Variants in OPA3 observed in about 807,000 individuals in gnomAD.
The protein encoded by OPA3 is optic atrophy 3 protein.
OPA3 carries 6 observed loss-of-function variants against 4.0 expected under a neutral mutation model. The ratio of observed to expected loss-of-function variants is 1.51; its 90% confidence interval spans 0.83 to 2.99. OPA3 has a LOEUF of 2.99. Among genes scored for constraint, OPA3 ranks in the 30% most tolerant of loss-of-function variants. OPA3 has a pLI of 0.00. For missense variants in OPA3, 235 were observed against 256.2 expected, an observed-to-expected ratio of 0.92 and a Z score of 0.56; for synonymous variants, 105 against 117.1, an observed-to-expected ratio of 0.90 and a Z score of 0.67.
At chr19:45,544,757 G>C (rs963184738), downstream of OPA3, among the ~76,000 whole-genome samples, 1 of 151,550 alleles carries the variant, frequency 6.6e-6, no homozygotes, top group African/African-American at 2.4e-5. Context: ...TCATGCCATT[G>C]CACTCCAGCC....
chr19:45,530,926 A>ATTTTTTTTTT (rs1969052822), intron 1 of OPA3, among the ~76,000 whole-genome samples: 1 of 49,606 alleles, frequency 2.0e-5, no homozygotes, highest in Non-Finnish European at 3.9e-5. Flanking sequence ...CATGTCACCT[A>ATTTTTTTTTT]CTTTTTTTTT....
chr19:45,581,353 C>T (rs1969852787), intron 1 of OPA3, among the ~76,000 whole-genome samples: 1 of 152,146 alleles, frequency 6.6e-6, no homozygotes, highest in Non-Finnish European at 1.5e-5. Context: ...TTTGTGTGTG[C>T]TCCTCCCTCT....
At chr19:45,540,802 C>A (rs373093293) in intron 1 of OPA3, among the ~76,000 whole-genome samples, 4 of 146,842 alleles carry the variant, frequency 2.7e-5, no homozygotes, top group Non-Finnish European at 4.5e-5. Flanking sequence ...GACTCCGTCT[C>A]AAAAAAAAAA....
Position 45,584,624 on chromosome 19 carries a change from T to G in OPA3, c.141A>C (p.Gln47His). Residue 47 changes from glutamine (Q) to histidine (H), a missense_variant and splice_region_variant, in exon 1 of 2, where the codon CAA becomes CAC. Physicochemically the swap from Gln to His is conservative, Grantham distance 24 (BLOSUM62 0). Coordinates refer to ENST00000263275, the MANE Select transcript of OPA3 (RefSeq NM_025136.4). ...FKTYICLPPAQLYHWVEMRTK... is the reference protein window; with the variant it reads ...FKTYICLPPAHLYHWVEMRTK... ...GGAGGGAATTCGGGTCAGACTCACG[T>G]TGAGCCGGCGGGAGGCAGATATAGG... 1 of 1,614,202 alleles carries G rather than the reference T, an allele frequency of 6.2e-7. No homozygotes were observed. The highest frequency in any genetic ancestry group is 8.5e-7 in the Non-Finnish European group (1 of 1,180,030).
chr19:45,562,183 A>G (rs1324544303), intron 1 of OPA3, among the ~76,000 whole-genome samples: 1 of 151,252 alleles, frequency 6.6e-6, no homozygotes, highest in African/African-American at 2.4e-5. Flanking sequence ...CCCCATCTCT[A>G]CTAAAAATAA....
downstream of OPA3, among the ~76,000 whole-genome samples, chr19:45,544,487 C>A (rs935568457): frequency 4.0e-5 from 6 of 149,118 alleles, no homozygotes; most frequent in Non-Finnish European, 7.4e-5. Context: ...CGATGAAACC[C>A]CGTCTCTACT....
intron 1 of OPA3, among the ~76,000 whole-genome samples, chr19:45,576,597 G>A (rs751401244): frequency 1.4e-5 from 2 of 146,796 alleles, no homozygotes; most frequent in East Asian, 2.0e-4. Flanking sequence ...CAAGGTGTCC[G>A]CAGGGCTGTG....
chr19:45,555,928 G>C (rs1011227637), intron 1 of OPA3, among the ~76,000 whole-genome samples: 2 of 151,852 alleles, frequency 1.3e-5, no homozygotes, highest in Admixed American at 6.6e-5. Flanking sequence ...CACTATGCCT[G>C]GCCTATATAT....
chr19:45,563,616 C>T (rs1338141793), intron 1 of OPA3, among the ~76,000 whole-genome samples: 1 of 152,066 alleles, frequency 6.6e-6, no homozygotes, highest in African/African-American at 2.4e-5. Context: ...AGTACAGTAG[C>T]AGGATCATGG....
intron 1 of OPA3, among the ~76,000 whole-genome samples, chr19:45,558,851 G>A (rs566109164): frequency 1.3e-5 from 2 of 151,916 alleles, no homozygotes; most frequent in Non-Finnish European, 2.9e-5. Flanking sequence ...CTAAGGCAGA[G>A]AGGAGACCCT....
chr19:45,546,092 T>G (rs1273796502), downstream of OPA3, among the ~76,000 whole-genome samples: 2 of 152,104 alleles, frequency 1.3e-5, no homozygotes, highest in Non-Finnish European at 2.9e-5. Flanking sequence ...TCAGAGAAAC[T>G]TGTTCTAACA....
At chr19:45,567,992 T>C (rs2122482101) in intron 1 of OPA3, among the ~76,000 whole-genome samples, 1 of 152,252 alleles carries the variant, frequency 6.6e-6, no homozygotes, top group South Asian at 2.1e-4. Context: ...ATGATGATGA[T>C]GACAATGATT....
chr19:45,558,016 A>G (rs928578845), intron 1 of OPA3, among the ~76,000 whole-genome samples: 1 of 152,144 alleles, frequency 6.6e-6, no homozygotes, highest in African/African-American at 2.4e-5. Context: ...CCCACGCAGC[A>G]ATCAGAAGGA....
chr19:45,529,796 T>G (rs945866997), intron 1 of OPA3, among the ~76,000 whole-genome samples: 6 of 152,290 alleles, frequency 3.9e-5, no homozygotes, highest in Admixed American at 3.9e-4. Context: ...AGTGCCGAAA[T>G]CACAGCTTAC....
intron 1 of OPA3, among the ~76,000 whole-genome samples, chr19:45,530,632 T>A (rs1969049280): frequency 6.6e-6 from 1 of 152,050 alleles, no homozygotes; most frequent in Non-Finnish European, 1.5e-5. Flanking sequence ...CTAATTTTTG[T>A]ATTTTTACTA....
At chr19:45,564,308 T>C (rs376125635) in intron 1 of OPA3, among the ~76,000 whole-genome samples, 2,039 of 115,682 alleles carry the variant, frequency 0.018, 33 homozygotes, top group African/African-American at 0.065. Context: ...GGGGGGCAGG[T>C]AGAGGGAAGA....
At chr19:45,582,166 ATTTTT>A (rs142724979) in intron 1 of OPA3, among the ~76,000 whole-genome samples, 1 of 142,398 alleles carries the variant, frequency 7.0e-6, no homozygotes, top group African/African-American at 2.6e-5. Flanking sequence ...ATTTTATTTT[ATTTTT>A]TTTTTTTGAG....
chr19:45,564,995 G>A (rs1470316363), intron 1 of OPA3, among the ~76,000 whole-genome samples: 1 of 151,976 alleles, frequency 6.6e-6, no homozygotes, highest in African/African-American at 2.4e-5. Context: ...GGGAGACCGA[G>A]GTGGGCGGAT....
chr19:45,529,292 G>A, exon 2 of OPA3: 5 of 1,614,066 alleles, frequency 3.1e-6, no homozygotes, highest in Non-Finnish European at 4.2e-6. Flanking sequence ...AACTGGTGGC[G>A]CCAATACTCC....
Sources: allele counts gnomAD v4.1 joint callset (sites outside exome capture counted in the v4.1 genomes callset), GRCh38; gene constraint gnomAD v4.1.1; transcripts MANE v1.5; gene names NCBI Gene and HGNC (gene_info 2026-07-23, HGNC 2026-07-21).